The following COL28A1 variants were observed in gnomAD, a reference collection of about 807,000 sequenced individuals.
The protein encoded by COL28A1 is collagen type XXVIII alpha 1 chain, also known as collagen alpha-1(XXVIII) chain.
COL28A1 carries 161 observed loss-of-function variants against 150.2 expected under a neutral mutation model. That is an observed-to-expected ratio of 1.07 (90% CI 0.94 to 1.22). The LOEUF (loss-of-function observed/expected upper bound fraction) is 1.22, where lower values mean the gene tolerates loss of function less well. COL28A1 is among the 50% of genes most tolerant of loss of function. COL28A1 has a pLI of 0.00. For synonymous variants in COL28A1, 552 were observed against 469.7 expected (o/e 1.18, Z -2.26); for missense variants, 1,617 against 1,388.3 (o/e 1.16, Z -2.62).
chr7:7,512,554 G>T (rs1207853150), intron 8 of COL28A1, among the ~76,000 whole-genome samples: 1 of 152,076 alleles, frequency 6.6e-6, no homozygotes, highest in Non-Finnish European at 1.5e-5. Flanking sequence ...AGTAGAAGGA[G>T]AATTGGGACC....
chr7:7,542,316 T>A, the COL28A1 span, among the ~76,000 whole-genome samples: 2 of 151,588 alleles, frequency 1.3e-5, no homozygotes, highest in East Asian at 3.9e-4. Context: ...GGCCACAGAG[T>A]GAGATCCCAT....
At chr7:7,508,529 T>A (rs1249858012) in intron 9 of COL28A1, among the ~76,000 whole-genome samples, 1 of 152,230 alleles carries the variant, frequency 6.6e-6, no homozygotes, top group Non-Finnish European at 1.5e-5. Context: ...TCCATAAAGT[T>A]TGTTTGTTAA....
At chr7:7,380,547 A>T in intron 30 of COL28A1, 113 bp downstream of exon 30, 1 of 883,308 alleles carries the variant, frequency 1.1e-6, no homozygotes, top group Non-Finnish European at 1.8e-6. Flanking sequence ...GATCTCATTT[A>T]AATAGAAACT....
chr7:7,351,848 A>C (rs1294616), downstream of COL28A1, among the ~76,000 whole-genome samples: 137,018 of 152,074 alleles, frequency 0.9, 61,856 homozygotes, highest in East Asian at 1. Context: ...CTGAATGGAC[A>C]CTCCTCTCAG....
At chr7:7,474,311 A>T (rs1208521638) in intron 15 of COL28A1, among the ~76,000 whole-genome samples, 1 of 152,020 alleles carries the variant, frequency 6.6e-6, no homozygotes, top group Non-Finnish European at 1.5e-5. Flanking sequence ...GAAGAGGGTG[A>T]GGGATAAAAG....
Position 7,397,281 on chromosome 7 carries a change from T to A in COL28A1, c.2137-15669A>T, listed in dbSNP as rs182739455. 2.0e-5 allele frequency among the ~76,000 whole-genome samples: 3 copies of A among 152,246 alleles called. No homozygotes were observed. The East Asian group carries it at 5.8e-4, about 29-fold the overall frequency. ...CCTGCACTCCAGTCTGTTTCCATCA[T>A]CACGATGCATCTTCCATAGTCTCTT... On this transcript the variant is annotated intron_variant, in intron 27 of 34. Coordinates refer to ENST00000399429, the MANE Select transcript of COL28A1 (RefSeq NM_001037763.3).
intron 18 of COL28A1, among the ~76,000 whole-genome samples, chr7:7,445,897 G>A (rs1013014655): frequency 1.4e-5 from 2 of 145,844 alleles, no homozygotes; most frequent in Admixed American, 1.4e-4. Context: ...TTTCGTTCTT[G>A]TTGACCAGGC....
chr7:7,543,443 A>G, the COL28A1 span, among the ~76,000 whole-genome samples: 14 of 152,296 alleles, frequency 9.2e-5, no homozygotes, highest in Admixed American at 2.6e-4. Flanking sequence ...TTTAATCTGC[A>G]TTATTGTTTT....
At chr7:7,391,249 A>C (rs993227802) in intron 27 of COL28A1, among the ~76,000 whole-genome samples, 3 of 152,202 alleles carry the variant, frequency 2.0e-5, no homozygotes, top group African/African-American at 7.2e-5. Flanking sequence ...GTAGTCATTC[A>C]GCAGCAGGTT....
Position 7,360,426 on chromosome 7 carries a change from T to C in COL28A1, c.3169A>G (p.Arg1057Gly). The C allele has an allele frequency of 6.2e-7, 1 of 1,607,406 alleles. No individual in the cohort carries two copies. Among genetic ancestry groups the C allele is most frequent in the Non-Finnish European group, 8.5e-7 (1 of 1,178,154 alleles). ...TTSSEATTTP[R>G]PLLSTPVDGA... ...TCCACAGGGGTGCTGAGCAGTGGCC[T>C]GGGGGTGGTGGTGGCCTCAGATGAG... Residue 1057 changes from arginine (R) to glycine (G), a missense_variant, in exon 34 of 35, where the codon AGG becomes GGG. By Grantham distance (125) the Arg-to-Gly change is moderately radical. Coordinates refer to ENST00000399429, the MANE Select transcript of COL28A1 (RefSeq NM_001037763.3).
intron 27 of COL28A1, among the ~76,000 whole-genome samples, chr7:7,399,400 T>C (rs768531080): frequency 7.9e-5 from 12 of 152,206 alleles, no homozygotes; most frequent in Non-Finnish European, 1.6e-4. Flanking sequence ...TCTGTCCTAC[T>C]TATTATAAAC....
downstream of COL28A1, among the ~76,000 whole-genome samples, chr7:7,354,168 A>AT (rs1236090828): frequency 4.0e-5 from 6 of 151,896 alleles, no homozygotes; most frequent in Non-Finnish European, 7.4e-5. Context: ...AATTTTTTAA[A>AT]TTTTTTGTAG....
intron 8 of COL28A1, among the ~76,000 whole-genome samples, chr7:7,513,525 C>T (rs1027273054): frequency 1.6e-4 from 24 of 152,160 alleles, no homozygotes; most frequent in African/African-American, 5.1e-4. Flanking sequence ...CACATCCTTT[C>T]GTGAGTCAAA....
At chr7:7,431,378 A>T (rs893216257) in intron 25 of COL28A1, 3 of 361,538 alleles carry the variant, frequency 8.3e-6, no homozygotes, top group African/African-American at 4.3e-5. Flanking sequence ...ATGCAGAGAA[A>T]TAAATGAGGA....
At chr7:7,483,349 T>C (rs1779454348) in intron 13 of COL28A1, among the ~76,000 whole-genome samples, 1 of 152,228 alleles carries the variant, frequency 6.6e-6, no homozygotes, top group Admixed American at 6.5e-5. Context: ...AAGGAGCATC[T>C]GTATATATTC....
chr7:7,476,815 A>G (rs2128354189), intron 14 of COL28A1, among the ~76,000 whole-genome samples: 1 of 152,346 alleles, frequency 6.6e-6, no homozygotes, highest in East Asian at 1.9e-4. Flanking sequence ...ACTTCTGGGC[A>G]TAAGGATGTT....
At chr7:7,488,725 C>T (rs1431765262) in intron 13 of COL28A1, among the ~76,000 whole-genome samples, 1 of 152,124 alleles carries the variant, frequency 6.6e-6, no homozygotes, top group Non-Finnish European at 1.5e-5. Context: ...AGATAATGAG[C>T]CAAGTCCTTA....
intron 13 of COL28A1, among the ~76,000 whole-genome samples, chr7:7,482,667 G>T (rs939846254): frequency 6.6e-6 from 1 of 151,840 alleles, no homozygotes; most frequent in Admixed American, 6.6e-5. Context: ...ATTATGACTT[G>T]GAAAGCAAGC....
intron 32 of COL28A1, among the ~76,000 whole-genome samples, chr7:7,371,286 G>A (rs1311345058): frequency 6.6e-6 from 1 of 152,160 alleles, no homozygotes; most frequent in Non-Finnish European, 1.5e-5. Context: ...AGCTCTTCAA[G>A]GATTAAAATA....
Sources: allele counts gnomAD v4.1 joint callset (sites outside exome capture counted in the v4.1 genomes callset), GRCh38; gene constraint gnomAD v4.1.1; transcripts MANE v1.5; gene names NCBI Gene and HGNC (gene_info 2026-07-23, HGNC 2026-07-21).